MARCHF1: variants seen among roughly 807,000 people sequenced by gnomAD.
MARCHF1 encodes the protein E3 ubiquitin-protein ligase MARCHF1.
A neutral mutation model predicts 54.2 loss-of-function variants in MARCHF1; 40 were observed. That is an observed-to-expected ratio of 0.74 (90% CI 0.57 to 0.96). The LOEUF (loss-of-function observed/expected upper bound fraction) is 0.96, where lower values mean the gene tolerates loss of function less well. MARCHF1 is among the 40% of genes least tolerant of loss of function. The probability of loss-of-function intolerance (pLI) is 0.00; values close to 1 mark genes in which losing one functional copy is unlikely to be tolerated. For missense variants in MARCHF1, 586 were observed against 656.5 expected, an observed-to-expected ratio of 0.89 and a Z score of 1.17; for synonymous variants, 236 against 236.3, an observed-to-expected ratio of 1.00 and a Z score of 0.01.
At chr4:163,886,398 G>T (rs1213842355) in intron 3 of MARCHF1, among the ~76,000 whole-genome samples, 1 of 151,628 alleles carries the variant, frequency 6.6e-6, no homozygotes, top group African/African-American at 2.4e-5. Flanking sequence ...GAGACGGGGG[G>T]AGGGAGATGA....
At chr4:164,007,009 A>ACATGC in intron 2 of MARCHF1, among the ~76,000 whole-genome samples, 1 of 132,102 alleles carries the variant, frequency 7.6e-6, no homozygotes, top group African/African-American at 2.7e-5. Context: ...AAAAAAAAAA[A>ACATGC]AAAAAAAAAA....
At chr4:164,331,849 T>C (rs1735441719) in intron 1 of MARCHF1, among the ~76,000 whole-genome samples, 1 of 152,186 alleles carries the variant, frequency 6.6e-6, no homozygotes, top group Admixed American at 6.5e-5. Flanking sequence ...TTCAAATATA[T>C]ACAATAACAG....
At chr4:163,600,695 A>C (rs1184969083) in intron 7 of MARCHF1, among the ~76,000 whole-genome samples, 2 of 152,270 alleles carry the variant, frequency 1.3e-5, no homozygotes, top group South Asian at 2.1e-4. Context: ...GATCTAATTT[A>C]GGTAAAAGAG....
rs540492387 is a variant in MARCHF1, at chr4:164,101,431, G to A, written c.-248+10157C>T. Among the ~76,000 whole-genome samples, 1,000 of 120,028 alleles carry A rather than the reference G, an allele frequency of 8.3e-3. 18 individuals carry two copies. The highest frequency in any genetic ancestry group is 0.027 in the African/African-American group (956 of 35,078). The allele number at this position is 120,028 out of a possible 152,430, so 78.7% of individuals were successfully genotyped here. A position where few individuals can be genotyped will look rare whatever the true frequency, so the allele number is the denominator to read the frequency against. On this transcript the variant is annotated intron_variant, in intron 2 of 9. Transcript: ENST00000514618. ...CTGGAGATCTGAGAACGGGCAGACTGCCTCCTCAAGTGGGTTCCTGACCCC... is the reference window on the plus strand; with the variant it reads ...CTGGAGATCTGAGAACGGGCAGACTACCTCCTCAAGTGGGTTCCTGACCCC...
intron 3 of MARCHF1, among the ~76,000 whole-genome samples, chr4:163,856,456 G>A (rs1414659856): frequency 6.6e-6 from 1 of 152,182 alleles, no homozygotes; most frequent in African/African-American, 2.4e-5. Flanking sequence ...TTATTGGAAT[G>A]TTTATAAAGA....
chr4:164,101,245 C>T (rs1755550212), intron 2 of MARCHF1, among the ~76,000 whole-genome samples: 1 of 152,182 alleles, frequency 6.6e-6, no homozygotes, highest in Admixed American at 6.5e-5. Flanking sequence ...GAAGCTCAAA[C>T]TGGGTGGATC....
chr4:163,984,475 G>T (rs1752822941), intron 3 of MARCHF1, among the ~76,000 whole-genome samples: 1 of 152,144 alleles, frequency 6.6e-6, no homozygotes, highest in African/African-American at 2.4e-5. Flanking sequence ...TGTTGTGAAA[G>T]AATATAGCAG....
At chr4:164,088,625 C>A (rs1755238577) in intron 2 of MARCHF1, among the ~76,000 whole-genome samples, 1 of 152,050 alleles carries the variant, frequency 6.6e-6, no homozygotes, top group Non-Finnish European at 1.5e-5. Flanking sequence ...GTAGTCCCAG[C>A]TACTAGGGAA....
intron 3 of MARCHF1, among the ~76,000 whole-genome samples, chr4:163,931,642 T>C (rs1440853821): frequency 6.6e-6 from 1 of 152,196 alleles, no homozygotes; most frequent in Non-Finnish European, 1.5e-5. Context: ...CTATGGTATT[T>C]GTTAGAGCAA....
chr4:164,210,142 C>A (rs986092800), intron 1 of MARCHF1, among the ~76,000 whole-genome samples: 4 of 151,984 alleles, frequency 2.6e-5, no homozygotes, highest in African/African-American at 7.3e-5. Context: ...GATTATAGTA[C>A]GGAATATTCA....
chr4:164,283,394 G>C (rs544325061), intron 1 of MARCHF1, among the ~76,000 whole-genome samples: 21 of 150,932 alleles, frequency 1.4e-4, no homozygotes, highest in African/African-American at 4.6e-4. Context: ...AGCTGCTGTA[G>C]AGGAATTGCT....
At chr4:163,792,352 A>G (rs551287499) in intron 4 of MARCHF1, among the ~76,000 whole-genome samples, 5 of 152,300 alleles carry the variant, frequency 3.3e-5, no homozygotes, top group Non-Finnish European at 7.4e-5. Context: ...TTTTGTTTCA[A>G]TGGATTGTAA....
intron 1 of MARCHF1, among the ~76,000 whole-genome samples, chr4:164,245,496 C>T (rs78634895): frequency 0.76 from 105,914 of 139,198 alleles, 40,258 homozygotes; most frequent in South Asian, 0.85. Context: ...CAATATCATA[C>T]TGAATGGACA....
intron 5 of MARCHF1, among the ~76,000 whole-genome samples, chr4:163,686,918 G>T (rs1275782166): frequency 6.6e-6 from 1 of 152,102 alleles, no homozygotes; most frequent in Admixed American, 6.5e-5. Context: ...GAACAAGTAA[G>T]TTTTTGCAAA....
At chr4:164,319,575 AAAATTATCATTGAT>A (rs1256285138) in intron 1 of MARCHF1, among the ~76,000 whole-genome samples, 1 of 152,240 alleles carries the variant, frequency 6.6e-6, no homozygotes, top group African/African-American at 2.4e-5. Context: ...AAAGGTCTTT[AAAATTATCATTGAT>A]AAGGAAAGAA....
intron 2 of MARCHF1, among the ~76,000 whole-genome samples, chr4:164,066,776 C>G (rs921906660): frequency 1.3e-5 from 2 of 152,046 alleles, no homozygotes; most frequent in African/African-American, 4.8e-5. Flanking sequence ...GAACAGAAAA[C>G]CAAATGCTGC....
chr4:164,017,136 C>A (rs1387318902), intron 2 of MARCHF1, among the ~76,000 whole-genome samples: 1 of 151,606 alleles, frequency 6.6e-6, no homozygotes, highest in Non-Finnish European at 1.5e-5. Flanking sequence ...ATACTAAGGA[C>A]CTTAAAAAAA....
At chr4:163,598,103 C>T (rs7655874) in intron 7 of MARCHF1, among the ~76,000 whole-genome samples, 141,961 of 152,304 alleles carry the variant, frequency 0.93, 66,233 homozygotes, top group African/African-American at 0.98. Context: ...TGTGTGTATT[C>T]AGACATTCTA....
rs79135880 is a variant in MARCHF1 at position 163,798,917 on chromosome 4, G to A, written c.111+55104C>T. On this transcript the variant is annotated intron_variant, in intron 4 of 9. Transcript: ENST00000514618. The stretch of plus-strand genomic sequence containing the variant: ...AAGTTACTTATGTATAACTTCTAGC[G>A]CATGCCCGGCACTGTCCATGCATAT... Among the ~76,000 whole-genome samples, 536 of 152,038 alleles carry A rather than the reference G, an allele frequency of 3.5e-3. 4 individuals are homozygous for A. The highest frequency in any genetic ancestry group is 0.012 in the African/African-American group (488 of 41,518).
Sources: gnomAD v4.1 joint callset for allele counts (sites outside exome capture counted in the v4.1 genomes callset) on GRCh38, gnomAD v4.1.1 for gene constraint, MANE v1.5 for transcripts, NCBI Gene and HGNC (gene_info 2026-07-23, HGNC 2026-07-21) for gene names.